SNTG2: variants seen among roughly 807,000 people sequenced by gnomAD.
SNTG2 encodes the protein gamma-2-syntrophin.
Under a neutral mutation model 70.9 loss-of-function variants are expected in SNTG2, and 74 were observed. That is an observed-to-expected ratio of 1.04 (90% confidence interval 0.86 to 1.27). SNTG2 has a LOEUF of 1.27. Ranked by LOEUF, SNTG2 falls within the 50% of genes most tolerant of loss-of-function variation. SNTG2 has a pLI of 0.00. For missense variants in SNTG2, 717 were observed against 690.7 expected, an observed-to-expected ratio of 1.04 and a Z score of -0.43; for synonymous variants, 278 against 273.8, an observed-to-expected ratio of 1.02 and a Z score of -0.15.
At chr2:1,309,968 ATAAC>A (rs2148250627) in intron 15 of SNTG2, among the ~76,000 whole-genome samples, 1 of 152,338 alleles carries the variant, frequency 6.6e-6, no homozygotes, top group Non-Finnish European at 1.5e-5. Flanking sequence ...CCAGTTCTTC[ATAAC>A]CTTACTGTGC....
chr2:1,323,834 T>G (rs1419301071), intron 16 of SNTG2, among the ~76,000 whole-genome samples: 2 of 149,404 alleles, frequency 1.3e-5, no homozygotes, highest in East Asian at 2.0e-4. Flanking sequence ...CCCCCAGTAG[T>G]CTGGGACATG....
At chr2:1,151,939 A>C (rs1309243047) in intron 6 of SNTG2, among the ~76,000 whole-genome samples, 1 of 152,220 alleles carries the variant, frequency 6.6e-6, no homozygotes, top group Admixed American at 6.5e-5. Flanking sequence ...ATTCTAAGTC[A>C]TTTCTACTAT....
intron 14 of SNTG2, among the ~76,000 whole-genome samples, chr2:1,297,315 A>G (rs762549117): frequency 6.6e-6 from 1 of 152,196 alleles, no homozygotes; most frequent in African/African-American, 2.4e-5. Context: ...TCATGTAAAT[A>G]TTTATTTTCA....
At chr2:1,216,039 G>A (rs1185237175) in intron 9 of SNTG2, among the ~76,000 whole-genome samples, 1 of 152,178 alleles carries the variant, frequency 6.6e-6, no homozygotes, top group Admixed American at 6.5e-5. Flanking sequence ...CTTTATAGCA[G>A]CATGATTTAT....
intron 8 of SNTG2, among the ~76,000 whole-genome samples, chr2:1,203,671 A>ATATATATATATAT (rs1553355231): frequency 4.3e-4 from 29 of 67,064 alleles, no homozygotes; most frequent in African/African-American, 1.4e-3. Context: ...AACAAAAAAA[A>ATATATATATATAT]AAATATATAT....
At chr2:952,885 T>C (rs954729781) in intron 1 of SNTG2, among the ~76,000 whole-genome samples, 4 of 152,238 alleles carry the variant, frequency 2.6e-5, no homozygotes, top group Non-Finnish European at 5.9e-5. Flanking sequence ...GTATACAATG[T>C]CATCCTTACT....
At chr2:1,325,990 C>T (rs1378684452) in intron 16 of SNTG2, among the ~76,000 whole-genome samples, 1 of 152,006 alleles carries the variant, frequency 6.6e-6, no homozygotes, top group Non-Finnish European at 1.5e-5. Context: ...CCTGTGACCA[C>T]GCCCAGCTAA....
At chr2:981,864 C>T (rs1661111043) in intron 1 of SNTG2, among the ~76,000 whole-genome samples, 1 of 152,234 alleles carries the variant, frequency 6.6e-6, no homozygotes, top group Non-Finnish European at 1.5e-5. Context: ...CACGTCCACA[C>T]AGATGCACAC....
intron 1 of SNTG2, among the ~76,000 whole-genome samples, chr2:1,028,065 C>G (rs944499852): frequency 2.6e-5 from 4 of 151,160 alleles, no homozygotes; most frequent in African/African-American, 9.8e-5. Context: ...GCAGGTGCAT[C>G]ATTGAAGGTG....
At position 1,094,792 on chromosome 2, in the gene SNTG2, A is replaced by C. The variant is rs9679096; in HGVS notation, c.211-3404A>C. Among the ~76,000 whole-genome samples, 115 of 43,756 alleles carry C rather than the reference A, an allele frequency of 2.6e-3. 5 individuals carry two copies. Among genetic ancestry groups the C allele is most frequent in the African/African-American group, 4.0e-3 (30 of 7,576 alleles). The allele number at this position is 43,756 out of a possible 152,430, so 28.7% of individuals were successfully genotyped here. On this transcript the variant is annotated intron_variant, in intron 2 of 16. Coordinates refer to ENST00000308624, the MANE Select transcript of SNTG2 (RefSeq NM_018968.4). ...TAGAGTTACTGGCAAGGGCCAGCTT[A>C]CTGGCCTGCAGGCAAAGGCCTTATA...
intron 14 of SNTG2, among the ~76,000 whole-genome samples, chr2:1,284,961 A>G (rs1679708382): frequency 6.6e-6 from 1 of 151,092 alleles, no homozygotes; most frequent in African/African-American, 2.4e-5. Context: ...AAATATAAAT[A>G]TAACTATATA....
chr2:1,275,044 T>C (rs1181444999), intron 14 of SNTG2, among the ~76,000 whole-genome samples: 1 of 152,228 alleles, frequency 6.6e-6, no homozygotes, highest in African/African-American at 2.4e-5. Flanking sequence ...AAGTGTGTCC[T>C]GGCTTTACGA....
At chr2:1,313,677 G>T (rs754274665) in intron 15 of SNTG2, among the ~76,000 whole-genome samples, 1 of 152,162 alleles carries the variant, frequency 6.6e-6, no homozygotes, top group Non-Finnish European at 1.5e-5. Context: ...ATTTGGAAGG[G>T]ACGATTATGA....
intron 2 of SNTG2, among the ~76,000 whole-genome samples, chr2:1,092,399 G>C (rs1572409390): frequency 6.6e-6 from 1 of 152,158 alleles, no homozygotes; most frequent in East Asian, 1.9e-4. Context: ...AGAGCAGGGG[G>C]ATTAACACCC....
At chr2:1,124,306 T>TTTTTG (rs1667565600) in intron 4 of SNTG2, among the ~76,000 whole-genome samples, 2 of 147,842 alleles carry the variant, frequency 1.4e-5, no homozygotes, top group African/African-American at 5.1e-5. Flanking sequence ...CTTTTTTTAA[T>TTTTTG]TTTTCTCAGA....
intron 1 of SNTG2, among the ~76,000 whole-genome samples, chr2:1,019,077 A>AG (rs1186919970): frequency 6.6e-6 from 1 of 152,140 alleles, no homozygotes; most frequent in Non-Finnish European, 1.5e-5. Flanking sequence ...AGGTGCTGTT[A>AG]GGGGGGCAGC....
In SNTG2 at chr2:1,083,528, C is replaced by T; in HGVS notation, c.83C>T (p.Thr28Ile). The change falls in exon 2 of 17, where the codon ACT (threonine) becomes ATT (isoleucine). Residue 28 changes from threonine (T) to isoleucine (I), a missense_variant. Thr to Ile is a moderately conservative substitution (Grantham distance 89). Coordinates refer to ENST00000308624, the MANE Select transcript of SNTG2 (RefSeq NM_018968.4). ...CLLVPARTKT[T>I]IALLYDEESE... ...ACTTTGTCCCTACAGACGAAAACCA[C>T]TATTGCTCTGTTGTATGATGAAGAG... is the stretch of plus-strand genomic sequence containing the variant. 2.5e-6 allele frequency: 4 copies of T among 1,613,696 alleles called. No individual in the cohort carries two copies. Among genetic ancestry groups the T allele is most frequent in the Non-Finnish European group, 3.4e-6 (4 of 1,179,696 alleles).
intron 8 of SNTG2, among the ~76,000 whole-genome samples, chr2:1,173,852 C>T (rs549838855): frequency 2.8e-4 from 42 of 152,272 alleles, no homozygotes; most frequent in Non-Finnish European, 4.7e-4. Flanking sequence ...CTGTGAGCTG[C>T]GCCCCTTGGG....
intron 16 of SNTG2, among the ~76,000 whole-genome samples, chr2:1,349,712 G>A (rs1344367542): frequency 1.3e-5 from 2 of 152,190 alleles, no homozygotes; most frequent in African/African-American, 4.8e-5. Context: ...TGTATGTTAA[G>A]TGCCATCCAG....
Sources: gnomAD v4.1 joint callset for allele counts (sites outside exome capture counted in the v4.1 genomes callset) on GRCh38, gnomAD v4.1.1 for gene constraint, MANE v1.5 for transcripts, NCBI Gene and HGNC (gene_info 2026-07-23, HGNC 2026-07-21) for gene names.